The following NTRK3 variants were observed in gnomAD, a reference collection of about 807,000 sequenced individuals.
NTRK3 encodes neurotrophic receptor tyrosine kinase 3, also known as NT-3 growth factor receptor.
In NTRK3, 24 loss-of-function variants were observed where a neutral mutation model predicts 91.7. That is an observed-to-expected ratio of 0.26 (90% CI 0.19 to 0.37). The LOEUF is 0.37. Ranked by LOEUF, NTRK3 falls within the 10% of genes least tolerant of loss-of-function variation. The pLI is 1.00. For synonymous variants in NTRK3, 483 were observed against 404.0 expected (o/e 1.20, Z -2.34); for missense variants, 880 against 1,068.9 (o/e 0.82, Z 2.46).
intron 5 of NTRK3, among the ~76,000 whole-genome samples, chr15:88,148,384 A>C (rs1026334895): frequency 1.3e-5 from 2 of 152,252 alleles, no homozygotes; most frequent in Non-Finnish European, 2.9e-5. Flanking sequence ...GTTACAGATG[A>C]ATAAGCAGAA....
chr15:88,091,062 A>C (rs1472694021), intron 13 of NTRK3, among the ~76,000 whole-genome samples: 1 of 152,214 alleles, frequency 6.6e-6, no homozygotes, highest in Non-Finnish European at 1.5e-5. Context: ...CCCAGAGGAA[A>C]GTCAGGGGCT....
chr15:88,221,730 C>G (rs138988261), intron 3 of NTRK3, among the ~76,000 whole-genome samples: 7 of 152,298 alleles, frequency 4.6e-5, no homozygotes, highest in African/African-American at 1.7e-4. Flanking sequence ...GAAAAGAGCA[C>G]TGAGGCCAGT....
At chr15:88,032,333 G>A (rs150344981) in intron 14 of NTRK3, among the ~76,000 whole-genome samples, 308 of 152,232 alleles carry the variant, frequency 2.0e-3, no homozygotes, top group Non-Finnish European at 2.9e-3. Context: ...CAGTGGGGAG[G>A]TGAGAGTTCC....
chr15:88,013,633 G>C (rs1169284899), intron 14 of NTRK3, among the ~76,000 whole-genome samples: 1 of 152,328 alleles, frequency 6.6e-6, no homozygotes, highest in South Asian at 2.1e-4. Flanking sequence ...AATGCCAGTA[G>C]GAACTCAGAC....
chr15:88,188,998 C>T (rs192602440), intron 3 of NTRK3, among the ~76,000 whole-genome samples: 1 of 152,372 alleles, frequency 6.6e-6, no homozygotes, highest in Admixed American at 6.5e-5. Context: ...AGAGCCACTA[C>T]TCTGCCAAGA....
intron 5 of NTRK3, among the ~76,000 whole-genome samples, chr15:88,181,375 C>T (rs983729969): frequency 6.6e-6 from 1 of 152,138 alleles, no homozygotes; most frequent in African/African-American, 2.4e-5. Context: ...AGCCCTCTTC[C>T]AGGATCCTCA....
At chr15:87,940,555 C>A (rs942450430) in intron 15 of NTRK3, 68 bp downstream of exon 15, 17 of 1,605,214 alleles carry the variant, frequency 1.1e-5, no homozygotes, top group Non-Finnish European at 1.4e-5. Flanking sequence ...ATGGAGGGAG[C>A]CTCTTCCTTC....
intron 13 of NTRK3, among the ~76,000 whole-genome samples, chr15:88,091,630 TCA>T (rs1190954683): frequency 2.0e-5 from 3 of 151,640 alleles, no homozygotes; most frequent in African/African-American, 7.3e-5. Flanking sequence ...GGGAGATCAC[TCA>T]CATCAATTAG....
intron 5 of NTRK3, among the ~76,000 whole-genome samples, chr15:88,182,594 C>T (rs1254587165): frequency 2.0e-5 from 3 of 152,164 alleles, no homozygotes; most frequent in African/African-American, 7.2e-5. Context: ...TGGGAACATG[C>T]CCAAAGGGTG....
intron 13 of NTRK3, among the ~76,000 whole-genome samples, chr15:88,103,964 C>G (rs1185673325): frequency 6.6e-6 from 1 of 152,170 alleles, no homozygotes; most frequent in Non-Finnish European, 1.5e-5. Context: ...TATAACTGGC[C>G]ACTGACTTAG....
chr15:88,217,198 A>G (rs1051845900), intron 3 of NTRK3, among the ~76,000 whole-genome samples: 2 of 152,226 alleles, frequency 1.3e-5, no homozygotes, highest in African/African-American at 4.8e-5. Flanking sequence ...ACAGTGTGGT[A>G]GTTCCCCAGT....
At chr15:87,934,512 G>C (rs1435410098) in intron 15 of NTRK3, among the ~76,000 whole-genome samples, 1 of 152,114 alleles carries the variant, frequency 6.6e-6, no homozygotes, top group African/African-American at 2.4e-5. Context: ...TGTCCCTGCA[G>C]CCCCATTATC....
intron 6 of NTRK3, among the ~76,000 whole-genome samples, chr15:88,144,487 G>T (rs867782964): frequency 1.3e-5 from 2 of 152,068 alleles, no homozygotes; most frequent in Non-Finnish European, 2.9e-5. Context: ...CAAGGGACCC[G>T]ACATCTTGAG....
At chr15:88,099,373 C>A in intron 13 of NTRK3, 1 of 191,624 alleles carries the variant, frequency 5.2e-6, no homozygotes, top group Non-Finnish European at 1.1e-5. Context: ...GGCTACAGTA[C>A]CTGCTAAAAG....
At chr15:87,939,284 C>T (rs1477703729) in intron 15 of NTRK3, among the ~76,000 whole-genome samples, 1 of 151,968 alleles carries the variant, frequency 6.6e-6, no homozygotes, top group Non-Finnish European at 1.5e-5. Context: ...AATAAAAAGC[C>T]CTAAGAAGTG....
At chr15:87,873,982 C>T (rs567900820) in exon 19 of NTRK3, 6 of 228,738 alleles carry the variant, frequency 2.6e-5, no homozygotes, top group African/African-American at 4.4e-5. Flanking sequence ...AGTGACACAA[C>T]GTTGTCAGAA....
chr15:88,199,839 T>C (rs1180437260), intron 3 of NTRK3, among the ~76,000 whole-genome samples: 1 of 152,190 alleles, frequency 6.6e-6, no homozygotes, highest in Non-Finnish European at 1.5e-5. Context: ...GGCTTGGGAA[T>C]GTAGAACCTC....
intron 3 of NTRK3, among the ~76,000 whole-genome samples, chr15:88,247,061 C>CTGAG (rs2052904827): frequency 6.6e-6 from 1 of 152,204 alleles, no homozygotes; most frequent in African/African-American, 2.4e-5. Flanking sequence ...TTACAGAGAC[C>CTGAG]TCAGACACGA....
chr15:88,049,003 A>T lies in NTRK3; in HGVS notation c.1397-15958T>A, dbSNP rs16941169. ...TACAACACTGACGAAATGAAATGCC[A>T]GCAGTGTCAAGGGCAAATGAGGAAT... On this transcript the variant is annotated intron_variant, in intron 13 of 18. Coordinates refer to ENST00000394480, the Ensembl canonical transcript of NTRK3. Among the ~76,000 whole-genome samples the T allele has an allele frequency of 9.2e-3, 1,397 of 152,344 alleles. 25 individuals carry two copies. Among genetic ancestry groups the T allele is most frequent in the African/African-American group, 0.029 (1,215 of 41,588 alleles).
Sources: gnomAD v4.1 joint callset for allele counts (sites outside exome capture counted in the v4.1 genomes callset) on GRCh38, gnomAD v4.1.1 for gene constraint, MANE v1.5 for transcripts, NCBI Gene and HGNC (gene_info 2026-07-23, HGNC 2026-07-21) for gene names.